The following TMEFF2 variants were observed in gnomAD, a reference collection of about 807,000 sequenced individuals.
The protein encoded by TMEFF2 is tomoregulin-2.
In TMEFF2, 28 loss-of-function variants were observed where a neutral mutation model predicts 53.8. The observed-to-expected ratio is 0.52, with a 90% CI of 0.39 to 0.71. The LOEUF (loss-of-function observed/expected upper bound fraction) is 0.71. TMEFF2 is among the 30% of genes least tolerant of loss of function. The pLI is 0.00. For missense variants in TMEFF2, 353 were observed against 455.2 expected (o/e 0.78, Z 2.04); for synonymous variants, 162 against 166.3 (o/e 0.97, Z 0.20).
At chr2:192,134,469 C>T (rs1199177997) in intron 4 of TMEFF2, among the ~76,000 whole-genome samples, 1 of 152,212 alleles carries the variant, frequency 6.6e-6, no homozygotes, top group Non-Finnish European at 1.5e-5. Context: ...AGCCACTAGC[C>T]CGCCTCTTAG....
chr2:192,097,165 A>G (rs1444002962), intron 4 of TMEFF2, among the ~76,000 whole-genome samples: 2 of 152,250 alleles, frequency 1.3e-5, no homozygotes, highest in Non-Finnish European at 1.5e-5. Context: ...TTTAACAAAA[A>G]TTAAGCGTGC....
intron 4 of TMEFF2, among the ~76,000 whole-genome samples, chr2:192,139,210 G>A (rs1320542432): frequency 1.3e-5 from 2 of 152,192 alleles, no homozygotes; most frequent in Non-Finnish European, 1.5e-5. Context: ...CATTAAAGAA[G>A]TCTTCGCATA....
At chr2:192,049,151 CTATGTGTG>C (rs1323234162) in intron 5 of TMEFF2, among the ~76,000 whole-genome samples, 2 of 114,060 alleles carry the variant, frequency 1.8e-5, no homozygotes, top group Admixed American at 8.3e-5. Flanking sequence ...TACATTTGGT[CTATGTGTG>C]TGTGTGTGTG....
chr2:191,986,712 G>A (rs1203600778), intron 7 of TMEFF2, among the ~76,000 whole-genome samples: 3 of 151,874 alleles, frequency 2.0e-5, no homozygotes, highest in African/African-American at 4.8e-5. Flanking sequence ...ACAAAAATTA[G>A]CCAGGCATGG....
At position 192,018,818 on chromosome 2, in the gene TMEFF2, A is replaced by G. The variant is rs1279934956; in HGVS notation, c.537-19610T>C. On this transcript the variant is annotated intron_variant, in intron 5 of 9. Transcript: ENST00000272771. ...CATGAAATTAGGCAATTTTTTGTCC[A>G]CTTGTATTTTTTTCAAGGTAGCAAA... Among the ~76,000 whole-genome samples the G allele has an allele frequency of 9.4e-5, 7 of 74,722 alleles. No homozygotes were observed. The East Asian group carries it at 1.5e-3, about 16-fold the overall frequency. The allele number at this position is 74,722 out of a possible 152,430, so 49.0% of individuals were successfully genotyped here.
intron 7 of TMEFF2, among the ~76,000 whole-genome samples, chr2:191,964,629 C>G (rs1043623993): frequency 1.3e-5 from 2 of 151,706 alleles, no homozygotes; most frequent in Non-Finnish European, 2.9e-5. Flanking sequence ...ATGAAAAAGG[C>G]CCTCTCAATC....
intron 4 of TMEFF2, chr2:192,179,203 C>T (rs1338624114): frequency 1.3e-5 from 2 of 152,572 alleles, no homozygotes; most frequent in African/African-American, 4.8e-5. Context: ...AACTAAAGTT[C>T]CTTCAGTTTC....
chr2:192,175,897 T>TA (rs546079985), intron 4 of TMEFF2, among the ~76,000 whole-genome samples: 10 of 151,294 alleles, frequency 6.6e-5, no homozygotes, highest in Admixed American at 1.3e-4. Flanking sequence ...CATAAATATT[T>TA]AAAAAAAACA....
At chr2:192,167,844 A>T (rs1222812246) in intron 4 of TMEFF2, among the ~76,000 whole-genome samples, 1 of 152,166 alleles carries the variant, frequency 6.6e-6, no homozygotes, top group East Asian at 1.9e-4. Context: ...GGTCATAGTT[A>T]GCAATTACTG....
chr2:192,115,652 A>C (rs1258161471), intron 4 of TMEFF2, among the ~76,000 whole-genome samples: 2 of 151,594 alleles, frequency 1.3e-5, no homozygotes, highest in South Asian at 2.1e-4. Flanking sequence ...TCAAAAACAA[A>C]CCCCCCAAAA....
chr2:191,969,099 G>A (rs1692550027), intron 7 of TMEFF2, among the ~76,000 whole-genome samples: 1 of 149,886 alleles, frequency 6.7e-6, no homozygotes, highest in Non-Finnish European at 1.5e-5. Flanking sequence ...ATATATGTTT[G>A]TGTATATATG....
chr2:192,173,876 C>T lies in TMEFF2; in HGVS notation c.439+5792G>A, dbSNP rs554284072. Among the ~76,000 whole-genome samples, 4 of 151,796 alleles carry T rather than the reference C, an allele frequency of 2.6e-5. No individual in the cohort carries two copies. In the East Asian group the frequency reaches 7.8e-4, roughly 29 times the overall value. On this transcript the variant is annotated intron_variant, in intron 4 of 9. Transcript: ENST00000272771. ...TAAAAGATTCAAAATTCTAATTAAACCCTTCGGAGAAATTATATTCTTATA... is the reference window on the plus strand; with the variant it reads ...TAAAAGATTCAAAATTCTAATTAAATCCTTCGGAGAAATTATATTCTTATA...
intron 7 of TMEFF2, among the ~76,000 whole-genome samples, chr2:191,983,404 T>TTTC (rs397696757): frequency 6.6e-6 from 1 of 150,850 alleles, no homozygotes; most frequent in African/African-American, 2.4e-5. Context: ...TTTTTTTTTT[T>TTTC]CTCCTGGGGC....
At chr2:192,102,626 C>CTTTTTTTTTT (rs10635775) in intron 4 of TMEFF2, among the ~76,000 whole-genome samples, 12 of 109,840 alleles carry the variant, frequency 1.1e-4, no homozygotes, top group Non-Finnish European at 1.5e-4. Context: ...TTTTCTTGTT[C>CTTTTTTTTTT]TTTTTTTTTT....
intron 4 of TMEFF2, among the ~76,000 whole-genome samples, chr2:192,140,465 C>T (rs997618182): frequency 6.6e-6 from 1 of 152,140 alleles, no homozygotes; most frequent in African/African-American, 2.4e-5. Context: ...CTACCACATT[C>T]TGTACTGGTC....
intron 4 of TMEFF2, among the ~76,000 whole-genome samples, chr2:192,156,435 C>G (rs1456612703): frequency 6.6e-6 from 1 of 151,920 alleles, no homozygotes; most frequent in Non-Finnish European, 1.5e-5. Flanking sequence ...GAAGAAGTGG[C>G]ATTTCCAGTA....
intron 5 of TMEFF2, among the ~76,000 whole-genome samples, chr2:192,005,482 G>A (rs974350868): frequency 6.6e-6 from 1 of 152,130 alleles, no homozygotes; most frequent in African/African-American, 2.4e-5. Context: ...ACTAGATTTT[G>A]TTTCATCTAT....
In TMEFF2 at chr2:192,128,392, T is replaced by A. The variant is rs141878241; in HGVS notation, c.439+51276A>T. On this transcript the variant is annotated intron_variant, in intron 4 of 9. Transcript: ENST00000272771. ...CAATAAGTCACTGTAGCCTTCAAAT[T>A]TACTTTTAATATTGCCTATTACAAA... is the stretch of plus-strand genomic sequence containing the variant. Among the ~76,000 whole-genome samples the A allele has an allele frequency of 5.7e-3, 864 of 152,332 alleles. 7 individuals are homozygous for A. The highest frequency in any genetic ancestry group is 0.02 in the African/African-American group (812 of 41,560).
At chr2:191,962,296 A>C (rs1306724275) in intron 7 of TMEFF2, among the ~76,000 whole-genome samples, 2 of 152,196 alleles carry the variant, frequency 1.3e-5, no homozygotes, top group Admixed American at 1.3e-4. Context: ...TCTTCATTCC[A>C]CCATTGATAG....
Sources: allele counts gnomAD v4.1 joint callset (sites outside exome capture counted in the v4.1 genomes callset), GRCh38; gene constraint gnomAD v4.1.1; transcripts MANE v1.5; gene names NCBI Gene and HGNC (gene_info 2026-07-23, HGNC 2026-07-21).